SSU72: variants seen among roughly 807,000 people sequenced by gnomAD.
SSU72 encodes RNA polymerase II subunit A C-terminal domain phosphatase SSU72.
In SSU72, 12 loss-of-function variants were observed where a neutral mutation model predicts 22.7. That is an observed-to-expected ratio of 0.53 (90% CI 0.34 to 0.86). The LOEUF is 0.86. Ranked by LOEUF, SSU72 falls within the 40% of genes least tolerant of loss-of-function variation. The pLI, the probability that SSU72 is intolerant of heterozygous loss-of-function variation, is 0.02. For missense variants in SSU72, 151 were observed against 249.8 expected (o/e 0.60, Z 2.67); for synonymous variants, 116 against 98.3 (o/e 1.18, Z -1.06).
At chr1:1,557,542 T>G (rs1375335594) in intron 2 of SSU72, among the ~76,000 whole-genome samples, 1 of 152,106 alleles carries the variant, frequency 6.6e-6, no homozygotes, top group Non-Finnish European at 1.5e-5. Context: ...ACCTGTAATC[T>G]CAAAACTTTG....
intron 2 of SSU72, among the ~76,000 whole-genome samples, chr1:1,560,519 C>G (rs978207130): frequency 1.3e-5 from 2 of 152,204 alleles, no homozygotes; most frequent in African/African-American, 2.4e-5. Flanking sequence ...GAGGCACAGG[C>G]AGCAAGTCCC....
chr1:1,546,463 T>C (rs1321847479), intron 2 of SSU72: 1 of 152,140 alleles, frequency 6.6e-6, no homozygotes, highest in Non-Finnish European at 1.5e-5. Flanking sequence ...CTGGGGAACT[T>C]AGTCCTTCAG....
chr1:1,544,923 T>C lies in SSU72; in HGVS notation c.304A>G (p.Lys102Glu). Reference protein sequence around the residue: ...KPRPERFQNCKDLFDLILTCE... With the variant: ...KPRPERFQNCEDLFDLILTCE... ...GTGAGGATCAGATCAAACAGGTCTT[T>C]GCAGTTCTGGAATCTTTCTGGCCGG... Residue 102 changes from lysine (K) to glutamate (E), a missense_variant, in exon 3 of 5, where the codon AAA (lysine) becomes GAA (glutamate). Physicochemically the swap from Lys to Glu is moderately conservative, Grantham distance 56 (BLOSUM62 1). Transcript: ENST00000291386. 1 of 1,614,238 alleles carries C rather than the reference T, an allele frequency of 6.2e-7. No homozygotes were observed. Among genetic ancestry groups the C allele is most frequent in the East Asian group, 2.2e-5 (1 of 44,888 alleles).
At chr1:1,564,722 T>C (rs1642638216) in intron 2 of SSU72, 51 bp downstream of exon 2, 1 of 1,614,086 alleles carries the variant, frequency 6.2e-7, no homozygotes. Flanking sequence ...ACGTAACACC[T>C]TCCAGGGAGG....
chr1:1,564,971 AAAGC>A, intron 1 of SSU72, 55 bp from the exon 2 acceptor site: 1 of 1,534,940 alleles, frequency 6.5e-7, no homozygotes, highest in Non-Finnish European at 8.7e-7. Flanking sequence ...CAAAATTCCA[AAAGC>A]AAGGGACAGC....
chr1:1,561,632 G>C (rs965586548), intron 2 of SSU72: 2 of 152,220 alleles, frequency 1.3e-5, no homozygotes, highest in Non-Finnish European at 2.9e-5. Context: ...CACCCCTGAG[G>C]CCCCACCCGG....
intron 1 of SSU72, among the ~76,000 whole-genome samples, chr1:1,573,348 C>T (rs537592992): frequency 1.3e-5 from 2 of 148,430 alleles, no homozygotes; most frequent in African/African-American, 4.9e-5. Context: ...GAGAATAGCT[C>T]GATCTCGGGA....
chr1:1,558,440 CAA>C (rs1372791717), intron 2 of SSU72, among the ~76,000 whole-genome samples: 1 of 152,166 alleles, frequency 6.6e-6, no homozygotes, highest in East Asian at 1.9e-4. Context: ...AAAAAATCCA[CAA>C]GAGAGGTACA....
rs114807030 is a variant in SSU72, at chr1:1,558,137, G to A, written c.224+6636C>T. On this transcript the variant is annotated intron_variant, in intron 2 of 4. Coordinates refer to ENST00000291386, the MANE Select transcript of SSU72 (RefSeq NM_014188.3). The stretch of plus-strand genomic sequence containing the variant: ...AAATCGCTTGAACCCAGGGTCGGAG[G>A]TTGCAGTGAGCCAAGATCGTGCCAT... Among the ~76,000 whole-genome samples the A allele has an allele frequency of 9.8e-3, 1,480 of 151,180 alleles. 10 individuals carry two copies. The highest frequency in any genetic ancestry group is 0.014 in the Admixed American group (206 of 15,142).
Position 1,565,117 on chromosome 1 carries a change from ATCATGAAGGCAGGCG to A in SSU72, c.81-216_81-202del, listed in dbSNP as rs1642643327. 1.4e-4 allele frequency among the ~76,000 whole-genome samples: 6 copies of A among 43,818 alleles called. No homozygotes were observed. The South Asian group carries it at 8.0e-3, about 58-fold the overall frequency. 28.7% of individuals were successfully genotyped at this position (43,818 alleles called of 152,430 possible). On this transcript the variant is annotated intron_variant, in intron 1 of 4. Transcript: ENST00000291386. Reference sequence around the variant, plus strand: ...CACTTTGGGAGGCCAAGGCAGGCGGATCATGAAGGCAGGCGGATCATGAAGGCAGGCGGATCATGA... The same window carrying A: ...CACTTTGGGAGGCCAAGGCAGGCGGAGATCATGAAGGCAGGCGGATCATGA...
chr1:1,555,630 C>T (rs554586157), intron 2 of SSU72, among the ~76,000 whole-genome samples: 5 of 152,330 alleles, frequency 3.3e-5, no homozygotes, highest in South Asian at 4.1e-4. Context: ...TCTGGGCTCC[C>T]GGGATGGACT....
chr1:1,551,619 C>T (rs1241147746), intron 2 of SSU72, among the ~76,000 whole-genome samples: 1 of 152,222 alleles, frequency 6.6e-6, no homozygotes, highest in Non-Finnish European at 1.5e-5. Flanking sequence ...CTGCACTGGG[C>T]GCTGCTTCCC....
Position 1,557,735 on chromosome 1 carries a change from T to C in SSU72, c.224+7038A>G, listed in dbSNP as rs140487543. Among the ~76,000 whole-genome samples the C allele has an allele frequency of 4.1e-3, 626 of 151,814 alleles. 5 individuals are homozygous for C. The highest frequency in any genetic ancestry group is 0.017 in the Middle Eastern group (5 of 292). ...ATCGCTTGAACCCGGGAGGCAAAGA[T>C]TGCAGTGAGCCGAGATCACGCCATT... On this transcript the variant is annotated intron_variant, in intron 2 of 4. Coordinates refer to ENST00000291386, the MANE Select transcript of SSU72 (RefSeq NM_014188.3).
At chr1:1,567,173 G>C (rs1307173846) in intron 1 of SSU72, among the ~76,000 whole-genome samples, 2 of 152,246 alleles carry the variant, frequency 1.3e-5, no homozygotes, top group East Asian at 3.8e-4. Context: ...CACCTCCGAA[G>C]ATGAGTAGAG....
At chr1:1,560,709 G>C (rs941756183) in intron 2 of SSU72, 1 of 152,224 alleles carries the variant, frequency 6.6e-6, no homozygotes, top group South Asian at 2.1e-4. Flanking sequence ...AATGAAAGCT[G>C]AGAATAGTGG....
In SSU72 at chr1:1,553,996, G is replaced by A. The variant is rs1000254452; in HGVS notation, c.225-8994C>T. ...ATCCTCCTGGGGACCACCAGACTAC[G>A]TCAGTGGTGAGAACTCAGCAGGTCC... On this transcript the variant is annotated intron_variant, in intron 2 of 4. Transcript: ENST00000291386. 2.6e-5 allele frequency among the ~76,000 whole-genome samples: 4 copies of A among 152,182 alleles called. No homozygotes were observed. The East Asian group carries it at 5.8e-4, about 22-fold the overall frequency.
At chr1:1,560,934 TTTAA>T (rs1342654066) in intron 2 of SSU72, 9 of 152,376 alleles carry the variant, frequency 5.9e-5, no homozygotes, top group East Asian at 1.9e-4. Context: ...TCCTAATTTA[TTTAA>T]TTATCAGAAA....
chr1:1,566,721 G>A (rs901350361), intron 1 of SSU72, among the ~76,000 whole-genome samples: 19 of 151,988 alleles, frequency 1.3e-4, no homozygotes, highest in South Asian at 4.2e-4. Flanking sequence ...GCGAGGCGGC[G>A]GGCGCTTTTA....
intron 2 of SSU72, among the ~76,000 whole-genome samples, chr1:1,553,936 A>C (rs1235072765): frequency 6.6e-6 from 1 of 152,198 alleles, no homozygotes; most frequent in South Asian, 2.1e-4. Flanking sequence ...CATCCAGAGG[A>C]GGCCAGTGGT....
Sources: gnomAD v4.1 joint callset for allele counts (sites outside exome capture counted in the v4.1 genomes callset) on GRCh38, gnomAD v4.1.1 for gene constraint, MANE v1.5 for transcripts, NCBI Gene and HGNC (gene_info 2026-07-23, HGNC 2026-07-21) for gene names.